PABPC4L: variants seen among roughly 807,000 people sequenced by gnomAD.
PABPC4L encodes poly(A) binding protein cytoplasmic 4 like.
For missense variants in PABPC4L, 452 were observed against 451.4 expected, an observed-to-expected ratio of 1.00 and a Z score of -0.01; for synonymous variants, 169 against 164.1, an observed-to-expected ratio of 1.03 and a Z score of -0.23.
chr4:134,112,656 CA>C, the PABPC4L span, among the ~76,000 whole-genome samples: 1 of 151,552 alleles, frequency 6.6e-6, no homozygotes, highest in African/African-American at 2.4e-5. Flanking sequence ...TACATCTATA[CA>C]TATATGCACA....
chr4:134,065,584 T>C, the PABPC4L span, among the ~76,000 whole-genome samples: 1 of 152,080 alleles, frequency 6.6e-6, no homozygotes, highest in Non-Finnish European at 1.5e-5. Context: ...TTGCTCTGTT[T>C]AGAGTTCCTT....
the PABPC4L span, among the ~76,000 whole-genome samples, chr4:134,189,778 T>G: frequency 4.6e-5 from 7 of 152,244 alleles, no homozygotes; most frequent in East Asian, 1.2e-3. Flanking sequence ...TTTTCATTTT[T>G]CAAACCCTTC....
chr4:134,070,760 T>G, the PABPC4L span, among the ~76,000 whole-genome samples: 1 of 152,026 alleles, frequency 6.6e-6, no homozygotes, highest in African/African-American at 2.4e-5. Flanking sequence ...AGAGCTACCA[T>G]GAGGGCCCCA....
the PABPC4L span, among the ~76,000 whole-genome samples, chr4:133,981,624 ACACT>A: frequency 7.0e-4 from 107 of 152,212 alleles, no homozygotes; most frequent in African/African-American, 2.5e-3. Flanking sequence ...GATTACAATG[ACACT>A]CAATCAATTA....
chr4:133,966,807 G>T, the PABPC4L span, among the ~76,000 whole-genome samples: 6 of 152,022 alleles, frequency 3.9e-5, no homozygotes, highest in African/African-American at 1.4e-4. Flanking sequence ...GGACTTGGGG[G>T]TAGGGTGGGA....
chr4:134,082,565 T>C, the PABPC4L span, among the ~76,000 whole-genome samples: 1 of 152,098 alleles, frequency 6.6e-6, no homozygotes, highest in African/African-American at 2.4e-5. Context: ...ATTTTTATAA[T>C]TGAAAAAAGT....
the PABPC4L span, among the ~76,000 whole-genome samples, chr4:134,179,917 G>A: frequency 7.2e-5 from 11 of 152,050 alleles, no homozygotes; most frequent in Non-Finnish European, 1.6e-4. Flanking sequence ...AAGATACTTA[G>A]ATAACCACAC....
the PABPC4L span, among the ~76,000 whole-genome samples, chr4:134,139,751 C>T: frequency 6.6e-6 from 1 of 151,534 alleles, no homozygotes. Flanking sequence ...TCTCAAACTC[C>T]TGGCCTCAAG....
At chr4:134,038,193 GC>G in the PABPC4L span, among the ~76,000 whole-genome samples, 1 of 152,118 alleles carries the variant, frequency 6.6e-6, no homozygotes, top group Non-Finnish European at 1.5e-5. Flanking sequence ...TGGTGGATAA[GC>G]TTTTTGATGT....
the PABPC4L span, among the ~76,000 whole-genome samples, chr4:134,149,962 G>A: frequency 1.3e-5 from 2 of 152,070 alleles, no homozygotes; most frequent in Admixed American, 1.3e-4. Flanking sequence ...GGAAGAGGGA[G>A]CCCATATTGG....
chr4:134,006,437 T>G, the PABPC4L span, among the ~76,000 whole-genome samples: 2 of 151,922 alleles, frequency 1.3e-5, no homozygotes, highest in Admixed American at 1.3e-4. Flanking sequence ...TCTCCTCCTC[T>G]TAAGAAGCAT....
chr4:134,042,195 A>G, the PABPC4L span, among the ~76,000 whole-genome samples: 1 of 152,160 alleles, frequency 6.6e-6, no homozygotes, highest in African/African-American at 2.4e-5. Flanking sequence ...GAAACCAGCT[A>G]CTGCATAGAT....
At chr4:134,160,277 T>A in the PABPC4L span, among the ~76,000 whole-genome samples, 1 of 151,992 alleles carries the variant, frequency 6.6e-6, no homozygotes, top group Non-Finnish European at 1.5e-5. Flanking sequence ...CAGAGAGAGA[T>A]CCCTTCTGAT....
the PABPC4L span, among the ~76,000 whole-genome samples, chr4:134,079,335 A>G: frequency 6.6e-6 from 1 of 151,192 alleles, no homozygotes; most frequent in African/African-American, 2.4e-5. Context: ...TAATTCCAGC[A>G]CTTTGGGAGG....
At chr4:133,951,447 G>T in the PABPC4L span, among the ~76,000 whole-genome samples, 8 of 151,970 alleles carry the variant, frequency 5.3e-5, no homozygotes, top group Non-Finnish European at 8.8e-5. Flanking sequence ...CCTGATGCGG[G>T]GTGCTCACTA....
chr4:134,125,178 A>G, the PABPC4L span, among the ~76,000 whole-genome samples: 1 of 152,218 alleles, frequency 6.6e-6, no homozygotes, highest in East Asian at 1.9e-4. Context: ...ATACTTTTTG[A>G]AAAGAAAAAA....
the PABPC4L span, among the ~76,000 whole-genome samples, chr4:134,031,061 G>A: frequency 5.9e-5 from 9 of 151,996 alleles, no homozygotes. Context: ...CTAAATGGTT[G>A]CTTAACATTC....
At chr4:134,007,788 T>C in the PABPC4L span, among the ~76,000 whole-genome samples, 1 of 151,706 alleles carries the variant, frequency 6.6e-6, no homozygotes, top group East Asian at 1.9e-4. Flanking sequence ...GTCTTGAGTT[T>C]TCAAGTTAAT....
chr4:134,043,934 G>A, the PABPC4L span, among the ~76,000 whole-genome samples: 5 of 147,498 alleles, frequency 3.4e-5, no homozygotes, highest in Admixed American at 1.4e-4. Flanking sequence ...GTGTGTCGAC[G>A]GATGTCTGTG....
Sources: allele counts gnomAD v4.1 joint callset (sites outside exome capture counted in the v4.1 genomes callset), GRCh38; gene constraint gnomAD v4.1.1; transcripts MANE v1.5; gene names NCBI Gene and HGNC (gene_info 2026-07-23, HGNC 2026-07-21).